Variants in NRG3 observed in about 807,000 individuals in gnomAD.
The protein encoded by NRG3 is neuregulin 3, also known as pro-neuregulin-3, membrane-bound isoform.
Under a neutral mutation model 66.9 loss-of-function variants are expected in NRG3, and 31 were observed. That is an observed-to-expected ratio of 0.46 (90% CI 0.35 to 0.63). NRG3 has a LOEUF of 0.63. Ranked by LOEUF, NRG3 falls within the 20% of genes least tolerant of loss-of-function variation. NRG3 has a pLI of 0.00. For missense variants in NRG3, 910 were observed against 878.9 expected (o/e 1.04, Z -0.45); for synonymous variants, 393 against 359.4 (o/e 1.09, Z -1.06).
At chr10:81,927,683 A>G (rs1387800848) in intron 1 of NRG3, among the ~76,000 whole-genome samples, 1 of 152,144 alleles carries the variant, frequency 6.6e-6, no homozygotes, top group Admixed American at 6.5e-5. Context: ...AGTTTCCCCT[A>G]ATTAACGTCT....
At chr10:82,607,227 G>A (rs1349766317) in intron 2 of NRG3, among the ~76,000 whole-genome samples, 1 of 152,092 alleles carries the variant, frequency 6.6e-6, no homozygotes, top group East Asian at 1.9e-4. Context: ...TATTTTTATA[G>A]TAATTATATT....
chr10:82,871,564 T>C (rs1051689969), intron 4 of NRG3, among the ~76,000 whole-genome samples: 4 of 152,146 alleles, frequency 2.6e-5, no homozygotes, highest in African/African-American at 9.6e-5. Context: ...GGAATATCTC[T>C]TCACTTACTT....
chr10:82,984,346 A>G (rs916297346), intron 8 of NRG3, among the ~76,000 whole-genome samples: 8 of 152,184 alleles, frequency 5.3e-5, no homozygotes, highest in Admixed American at 1.3e-4. Flanking sequence ...CTTGCCATGG[A>G]CCAAAGAACT....
At chr10:82,081,278 A>G (rs2065374873) in intron 1 of NRG3, among the ~76,000 whole-genome samples, 1 of 152,180 alleles carries the variant, frequency 6.6e-6, no homozygotes, top group Non-Finnish European at 1.5e-5. Flanking sequence ...GACACCCATG[A>G]TGGAATTATC....
chr10:82,002,331 A>G (rs2061204003), intron 1 of NRG3, among the ~76,000 whole-genome samples: 1 of 152,126 alleles, frequency 6.6e-6, no homozygotes, highest in Non-Finnish European at 1.5e-5. Flanking sequence ...TCCCTCTTCA[A>G]TATTTGTCTT....
At chr10:82,751,167 G>T (rs1448233827) in intron 3 of NRG3, among the ~76,000 whole-genome samples, 1 of 152,092 alleles carries the variant, frequency 6.6e-6, no homozygotes, top group Admixed American at 6.6e-5. Context: ...TTATGAATAA[G>T]CTGTCAGTGG....
chr10:82,656,773 C>G (rs1012197584), intron 2 of NRG3, among the ~76,000 whole-genome samples: 10 of 152,130 alleles, frequency 6.6e-5, no homozygotes, highest in Admixed American at 1.3e-4. Flanking sequence ...TTAAGACATG[C>G]CCCCTCTTAT....
intron 2 of NRG3, among the ~76,000 whole-genome samples, chr10:82,700,469 G>A (rs538867957): frequency 1.2e-4 from 18 of 152,264 alleles, no homozygotes; most frequent in Middle Eastern, 3.4e-3. Context: ...TAAGAATAAA[G>A]AATTTCAAAA....
At chr10:82,627,913 A>G (rs1477913179) in intron 2 of NRG3, among the ~76,000 whole-genome samples, 1 of 152,226 alleles carries the variant, frequency 6.6e-6, no homozygotes, top group Non-Finnish European at 1.5e-5. Flanking sequence ...AGTTCTAGGC[A>G]GTACAATCTC....
At chr10:82,722,839 T>C (rs1209796162) in intron 2 of NRG3, among the ~76,000 whole-genome samples, 1 of 152,208 alleles carries the variant, frequency 6.6e-6, no homozygotes, top group African/African-American at 2.4e-5. Flanking sequence ...TTTCCAAAGT[T>C]GGTCTTCATG....
chr10:82,420,828 A>G (rs1183140309), intron 2 of NRG3, among the ~76,000 whole-genome samples: 1 of 152,236 alleles, frequency 6.6e-6, no homozygotes. Context: ...GACAATAAAA[A>G]GGGAAAAATT....
At chr10:82,214,012 C>G (rs771326625) in intron 1 of NRG3, among the ~76,000 whole-genome samples, 19 of 152,140 alleles carry the variant, frequency 1.2e-4, no homozygotes, top group Non-Finnish European at 2.5e-4. Context: ...GACGCTGCCA[C>G]AGTTCCAAGC....
At chr10:81,985,173 T>A (rs1050236679) in intron 1 of NRG3, among the ~76,000 whole-genome samples, 1 of 152,222 alleles carries the variant, frequency 6.6e-6, no homozygotes, top group Non-Finnish European at 1.5e-5. Context: ...ACAAGTGTTG[T>A]TAATAACCAC....
chr10:82,100,966 C>T (rs944732912), intron 1 of NRG3, among the ~76,000 whole-genome samples: 2 of 151,892 alleles, frequency 1.3e-5, no homozygotes, highest in African/African-American at 2.4e-5. Flanking sequence ...GTGAAATGAT[C>T]GAGGTCTGGA....
At chr10:82,471,259 A>C (rs1841228756) in intron 2 of NRG3, among the ~76,000 whole-genome samples, 1 of 152,088 alleles carries the variant, frequency 6.6e-6, no homozygotes, top group Admixed American at 6.5e-5. Flanking sequence ...ACCACCCTGG[A>C]ACTCGAGAGG....
intron 1 of NRG3, among the ~76,000 whole-genome samples, chr10:82,007,418 C>T (rs2133743543): frequency 6.6e-6 from 1 of 152,024 alleles, no homozygotes; most frequent in Middle Eastern, 3.4e-3. Flanking sequence ...CAATGTTGGC[C>T]AGATGGTTTC....
At chr10:82,676,230 A>T (rs912197318) in intron 2 of NRG3, among the ~76,000 whole-genome samples, 2 of 152,142 alleles carry the variant, frequency 1.3e-5, no homozygotes, top group East Asian at 3.9e-4. Context: ...CTATCATAAC[A>T]TCAAAATTGA....
At chr10:82,451,991 A>G (rs972884035) in intron 2 of NRG3, among the ~76,000 whole-genome samples, 1 of 152,184 alleles carries the variant, frequency 6.6e-6, no homozygotes, top group African/African-American at 2.4e-5. Flanking sequence ...ATAGTGGTTA[A>G]GTAGGATTCA....
intron 2 of NRG3, among the ~76,000 whole-genome samples, chr10:82,604,416 A>G (rs2047830813): frequency 6.6e-6 from 1 of 152,162 alleles, no homozygotes; most frequent in Admixed American, 6.6e-5. Context: ...AATGTGCCAC[A>G]GTTTGCTTAT....
Sources: gnomAD v4.1 joint callset for allele counts (sites outside exome capture counted in the v4.1 genomes callset) on GRCh38, gnomAD v4.1.1 for gene constraint, MANE v1.5 for transcripts, NCBI Gene and HGNC (gene_info 2026-07-23, HGNC 2026-07-21) for gene names.